Variants in CFAP107 observed in about 807,000 individuals in gnomAD.
CFAP107 encodes cilia and flagella associated protein 107.
At chr1:12,754,710 A>G in the CFAP107 span, among the ~76,000 whole-genome samples, 28 of 152,356 alleles carry the variant, frequency 1.8e-4, no homozygotes, top group African/African-American at 6.3e-4. Flanking sequence ...ATGCTATCAA[A>G]TGGATGAATT....
At chr1:12,746,307 T>G in the CFAP107 span, 2 of 614,634 alleles carry the variant, frequency 3.3e-6, no homozygotes, top group Non-Finnish European at 5.8e-6. Context: ...CTACTAGCCA[T>G]TCAGGAGGCC....
the CFAP107 span, chr1:12,760,688 G>A: frequency 7.1e-7 from 1 of 1,410,854 alleles, no homozygotes; most frequent in Non-Finnish European, 9.7e-7. Context: ...GGCCCCTGCT[G>A]CCCAGTCTCG....
the CFAP107 span, chr1:12,760,771 T>TC: frequency 1.2e-6 from 2 of 1,611,980 alleles, no homozygotes; most frequent in Admixed American, 1.7e-5. Flanking sequence ...CTCTTGCAGC[T>TC]CCCCCTACAA....
chr1:12,750,152 T>C, the CFAP107 span, among the ~76,000 whole-genome samples: 7 of 152,198 alleles, frequency 4.6e-5, no homozygotes, highest in African/African-American at 1.7e-4. Context: ...TTTCAGTTGG[T>C]CGCAATTTAA....
chr1:12,746,325 A>C, the CFAP107 span: 1 of 770,352 alleles, frequency 1.3e-6, no homozygotes. Flanking sequence ...GCCAGCTGGG[A>C]AGACAAAATA....
At chr1:12,753,740 G>A in the CFAP107 span, 2 of 152,042 alleles carry the variant, frequency 1.3e-5, no homozygotes, top group South Asian at 4.1e-4. Context: ...CAGAGACCTG[G>A]ATGAGACCTA....
chr1:12,753,788 G>A, the CFAP107 span: 1 of 152,158 alleles, frequency 6.6e-6, no homozygotes, highest in Non-Finnish European at 1.5e-5. Context: ...TAGGGGGCTG[G>A]GTGTGGTGAC....
chr1:12,762,661 A>G, the CFAP107 span: 1 of 152,390 alleles, frequency 6.6e-6, no homozygotes, highest in Non-Finnish European at 1.5e-5. Flanking sequence ...TTGAGCATCC[A>G]TTGAGCCATG....
chr1:12,756,217 G>A, the CFAP107 span, among the ~76,000 whole-genome samples: 14 of 152,164 alleles, frequency 9.2e-5, no homozygotes, highest in African/African-American at 3.1e-4. Flanking sequence ...CTGTTCTTTC[G>A]CATGAAAAGT....
At chr1:12,761,242 C>A in the CFAP107 span, 7 of 293,150 alleles carry the variant, frequency 2.4e-5, no homozygotes, top group Middle Eastern at 9.4e-4. Context: ...TAAGTTCTAC[C>A]CTGTTGTTTC....
chr1:12,752,482 G>C, the CFAP107 span, among the ~76,000 whole-genome samples: 18 of 141,112 alleles, frequency 1.3e-4, no homozygotes, highest in Non-Finnish European at 2.6e-4. Context: ...CTTGAAAATT[G>C]CTTGAACCTG....
At chr1:12,746,300 C>A in the CFAP107 span, 2 of 599,400 alleles carry the variant, frequency 3.3e-6, no homozygotes, top group African/African-American at 1.9e-5. Context: ...GAGTCATCTA[C>A]TAGCCATTCA....
At chr1:12,760,188 T>C in the CFAP107 span, among the ~76,000 whole-genome samples, 18 of 152,220 alleles carry the variant, frequency 1.2e-4, no homozygotes, top group East Asian at 2.7e-3. Context: ...TAGGGGTTCA[T>C]AGGGCACAGT....
the CFAP107 span, among the ~76,000 whole-genome samples, chr1:12,752,879 A>G: frequency 6.6e-6 from 1 of 152,160 alleles, no homozygotes; most frequent in Non-Finnish European, 1.5e-5. Flanking sequence ...ATTAGGAAAG[A>G]AAAGGAAAAG....
At chr1:12,759,806 A>G in the CFAP107 span, among the ~76,000 whole-genome samples, 1 of 152,240 alleles carries the variant, frequency 6.6e-6, no homozygotes, top group South Asian at 2.1e-4. Context: ...TAATGACAAT[A>G]TTTCCCAGGT....
the CFAP107 span, chr1:12,761,866 A>T: frequency 1.3e-5 from 2 of 152,220 alleles, no homozygotes; most frequent in Non-Finnish European, 2.9e-5. Flanking sequence ...GCCTGGGCAG[A>T]GGGGAGAACC....
At chr1:12,746,464 T>C in the CFAP107 span, 5 of 1,613,746 alleles carry the variant, frequency 3.1e-6, no homozygotes, top group Non-Finnish European at 4.2e-6. Flanking sequence ...ACAGCCACTC[T>C]CTACTCCGAG....
the CFAP107 span, among the ~76,000 whole-genome samples, chr1:12,752,555 TAAAAAAA>T: frequency 4.3e-5 from 2 of 46,666 alleles, no homozygotes; most frequent in Non-Finnish European, 7.9e-5. Context: ...CGACTCTGTC[TAAAAAAA>T]AAAAAAAAAA....
At chr1:12,747,071 C>CTTT in the CFAP107 span, among the ~76,000 whole-genome samples, 8 of 143,042 alleles carry the variant, frequency 5.6e-5, no homozygotes, top group African/African-American at 1.8e-4. Context: ...TCAATTTTTA[C>CTTT]TTTTTTTTTT....
Sources: gnomAD v4.1 joint callset for allele counts (sites outside exome capture counted in the v4.1 genomes callset) on GRCh38, gnomAD v4.1.1 for gene constraint, MANE v1.5 for transcripts, NCBI Gene and HGNC (gene_info 2026-07-23, HGNC 2026-07-21) for gene names.